ZNF417: variants seen among roughly 807,000 people sequenced by gnomAD.
The protein encoded by ZNF417 is zinc finger protein 417.
ZNF417 carries 5 observed loss-of-function variants against 7.4 expected under a neutral mutation model. That is an observed-to-expected ratio of 0.68 (90% CI 0.35 to 1.43). The LOEUF (loss-of-function observed/expected upper bound fraction) is 1.43, where lower values mean the gene tolerates loss of function less well. Ranked by LOEUF, ZNF417 falls within the 40% of genes most tolerant of loss-of-function variation. ZNF417 has a pLI of 0.04. For synonymous variants in ZNF417, 147 were observed against 239.1 expected, an observed-to-expected ratio of 0.61 and a Z score of 3.55; for missense variants, 437 against 697.3, an observed-to-expected ratio of 0.63 and a Z score of 4.20.
intron 1 of ZNF417, among the ~76,000 whole-genome samples, chr19:57,912,441 T>C (rs907141809): frequency 6.6e-6 from 1 of 152,178 alleles, no homozygotes; most frequent in Non-Finnish European, 1.5e-5. Context: ...TGAATAGCGA[T>C]ATCCAAGCTC....
intron 2 of ZNF417, 93 bp from the exon 3 acceptor site, chr19:57,910,207 T>C (rs1397189563): frequency 6.6e-7 from 1 of 1,516,886 alleles, no homozygotes; most frequent in African/African-American, 1.4e-5. Context: ...GAGGAATTAA[T>C]CTATAGAAAT....
In ZNF417 at chr19:57,908,347, T is replaced by C. The variant is rs539974143; in HGVS notation, c.*203A>G. ...TGAACCTGGGAGGCCCAAGTTGCAG[T>C]GAGCCAAGATTGCACCACTGCACTC... On this transcript the variant is annotated 3_prime_UTR_variant, in exon 3 of 3. Transcript: ENST00000312026. 14 of 951,652 alleles carry C rather than the reference T, an allele frequency of 1.5e-5. No individual in the cohort carries two copies. In the African/African-American group the frequency reaches 2.2e-4, roughly 15 times the overall value. The allele number at this position is 951,652 out of a possible 1,614,324, so 59.0% of individuals were successfully genotyped here.
At position 57,906,161 on chromosome 19, in the gene ZNF417, G is replaced by A. The variant is rs1296178253; in HGVS notation, c.*2389C>T. 1.3e-5 allele frequency among the ~76,000 whole-genome samples: 2 copies of A among 152,252 alleles called. No individual in the cohort carries two copies. Among genetic ancestry groups the A allele is most frequent in the South Asian group, 4.1e-4 (2 of 4,820 alleles). On this transcript the variant is annotated 3_prime_UTR_variant, in exon 3 of 3. Transcript: ENST00000312026. Reference sequence around the variant, plus strand: ...ACAAGAGACAGACACATACTCTTCAGGGTGTATGGTCATAATTTGTTTGAA... The same window carrying A: ...ACAAGAGACAGACACATACTCTTCAAGGTGTATGGTCATAATTTGTTTGAA...
intron 1 of ZNF417, among the ~76,000 whole-genome samples, chr19:57,913,146 G>A (rs979814007): frequency 1.3e-5 from 2 of 151,836 alleles, no homozygotes; most frequent in Non-Finnish European, 2.9e-5. Flanking sequence ...ACCTTTTAAG[G>A]TTGTCCCACT....
intron 1 of ZNF417, among the ~76,000 whole-genome samples, chr19:57,914,036 T>C (rs1302783694): frequency 6.6e-6 from 1 of 152,234 alleles, no homozygotes; most frequent in Non-Finnish European, 1.5e-5. Flanking sequence ...TGACTCTTCA[T>C]ATGGCCAAAA....
chr19:57,912,929 T>G, intron 1 of ZNF417, among the ~76,000 whole-genome samples: 1 of 151,970 alleles, frequency 6.6e-6, no homozygotes, highest in South Asian at 2.1e-4. Flanking sequence ...ATAAAATTAT[T>G]TCACAAGATG....
chr19:57,910,715 G>A (rs565787110), intron 2 of ZNF417, among the ~76,000 whole-genome samples: 4 of 151,964 alleles, frequency 2.6e-5, no homozygotes, highest in East Asian at 2.0e-4. Flanking sequence ...AGTTGTGTAC[G>A]GGACCTTATC....
Position 57,908,836 on chromosome 19 carries a change from A to T in ZNF417, c.1442T>A (p.Ile481Lys). ...KLFGNKNCVT[I>K]HQRIHTGERP... ...TTCTCCAGTGTGAATCCTCTGATGT[A>T]TAGTCACGCAGTTCTTATTACCAAA... The change falls in exon 3 of 3, where the codon ATA (isoleucine) becomes AAA (lysine). Residue 481 changes from isoleucine (I) to lysine (K), a missense_variant. Around this residue, in one of 5 missense-constraint regions of ZNF417, gnomAD observed 233 missense variants for 235.5 expected, o/e 0.99. Coordinates refer to ENST00000312026, the MANE Select transcript of ZNF417 (RefSeq NM_152475.3). The T allele has an allele frequency of 6.2e-7, 1 of 1,613,702 alleles. No individual in the cohort carries two copies. Among genetic ancestry groups the T allele is most frequent in the South Asian group, 1.1e-5 (1 of 91,064 alleles).
At chr19:57,914,483 C>CAAAA (rs528220711) in intron 1 of ZNF417, among the ~76,000 whole-genome samples, 7 of 57,584 alleles carry the variant, frequency 1.2e-4, no homozygotes, top group Admixed American at 2.2e-4. Context: ...CGAAACTCCA[C>CAAAA]AAAAAAAAAA....
At chr19:57,915,745 C>A (rs1402881596) in intron 1 of ZNF417, 1 of 408,298 alleles carries the variant, frequency 2.4e-6, no homozygotes, top group East Asian at 3.6e-5. Context: ...GCAGGACTAA[C>A]GAATTAGCTA....
intron 1 of ZNF417, among the ~76,000 whole-genome samples, chr19:57,914,483 C>CAAAAAAA (rs528220711): frequency 3.5e-5 from 2 of 57,614 alleles, no homozygotes; most frequent in Non-Finnish European, 7.2e-5. Context: ...CGAAACTCCA[C>CAAAAAAA]AAAAAAAAAA....
At chr19:57,914,669 C>T (rs1304910336) in intron 1 of ZNF417, among the ~76,000 whole-genome samples, 9 of 152,104 alleles carry the variant, frequency 5.9e-5, no homozygotes, top group Admixed American at 1.3e-4. Context: ...AGTGTGTGCA[C>T]CAAGGTCCAA....
rs1486313907 is a variant in ZNF417 at position 57,916,365 on chromosome 19, G to A, written c.33+14C>T. On this transcript the variant is annotated intron_variant, in intron 1 of 2. Coordinates refer to ENST00000312026, the MANE Select transcript of ZNF417 (RefSeq NM_152475.3). ...GATGGGGTGACCTGAGGGCACAGAA[G>A]GCGCCACAATTACCTGAGTCGGGCG... 2 of 1,614,198 alleles carry A rather than the reference G, an allele frequency of 1.2e-6. No individual in the cohort carries two copies. The highest frequency in any genetic ancestry group is 2.2e-5 in the East Asian group (1 of 44,890).
rs201407102 is a variant in ZNF417 at position 57,916,412 on chromosome 19, C to T, written c.-1G>A. 184 of 1,614,026 alleles carry T rather than the reference C, an allele frequency of 1.1e-4. 1 individual carries two copies. The highest frequency in any genetic ancestry group is 2.7e-4 in the Admixed American group (16 of 60,014). On this transcript the variant is annotated 5_prime_UTR_variant, in exon 1 of 3. Transcript: ENST00000312026. ...GGCGCCTCGGCGCAGCCGCTGCCAT[C>T]GGACTACTTGGGGAAGCACGGCCCG...
Position 57,909,407 on chromosome 19 carries a change from T to G in ZNF417, c.871A>C (p.Thr291Pro). 1 of 1,614,166 alleles carries G rather than the reference T, an allele frequency of 6.2e-7. No individual in the cohort carries two copies. Among genetic ancestry groups the G allele is most frequent in the Non-Finnish European group, 8.5e-7 (1 of 1,180,016 alleles). ...TCACAGGGATAAGCTGTCTTTCCAG[T>G]GTGGACTCGCTGATGTTGAATAAGG... ...SSLIQHQRVHTGKTAYPCEEC... is the reference protein window; with the variant it reads ...SSLIQHQRVHPGKTAYPCEEC... The change falls in exon 3 of 3, where the codon ACT (threonine) becomes CCT (proline). Residue 291 changes from threonine to proline, a missense_variant. This residue lies in a region of ZNF417 where 34 missense variants were observed against 33.3 expected (regional missense o/e 1.02). Transcript: ENST00000312026.
rs759919764 is a variant in ZNF417 at position 57,909,279 on chromosome 19, A to G, written c.999T>C (p.Phe333=). The G allele has an allele frequency of 3.1e-6, 5 of 1,613,976 alleles. No homozygotes were observed. The highest frequency in any genetic ancestry group is 4.2e-6 in the Non-Finnish European group (5 of 1,179,998). The change falls in exon 3 of 3, where the codon TTT becomes TTC. Residue 333 remains phenylalanine (F), a synonymous_variant. Coordinates refer to ENST00000312026, the MANE Select transcript of ZNF417 (RefSeq NM_152475.3). ...GTTGAATGAGGTTACCCTTTTGACCAAAAGATTTCCCATATTCTCTACACT... is the reference window on the plus strand; with the variant it reads ...GTTGAATGAGGTTACCCTTTTGACCGAAAGATTTCCCATATTCTCTACACT... ...PYECREYGKS[F]GQKGNLIQHQ...
chr19:57,906,326 T>C lies in ZNF417; in HGVS notation c.*2224A>G, dbSNP rs373490662. Among the ~76,000 whole-genome samples, 10 of 152,338 alleles carry C rather than the reference T, an allele frequency of 6.6e-5. No individual in the cohort carries two copies. The East Asian group carries it at 1.9e-3, about 29-fold the overall frequency. On this transcript the variant is annotated 3_prime_UTR_variant, in exon 3 of 3. Transcript: ENST00000312026. ...TCATGTATGTGCCTGTATGTGCTTA[T>C]ATAACATGCTGTAATACAAGGTGAC...
rs2071950712 is a variant in ZNF417, at chr19:57,916,513, T to TC, written c.-103dup. The TC allele has an allele frequency of 6.3e-7, 1 of 1,595,074 alleles. No individual in the cohort carries two copies. Among genetic ancestry groups the TC allele is most frequent in the South Asian group, 1.1e-5 (1 of 89,336 alleles). ...GACGATTCCTCTCCACCTTCTAGGT[T>TC]CAGTCACCGCGGTCCCCCCCCAGCA... On this transcript the variant is annotated 5_prime_UTR_variant, in exon 1 of 3. Coordinates refer to ENST00000312026, the MANE Select transcript of ZNF417 (RefSeq NM_152475.3).
rs1568527559 is a variant in ZNF417 at position 57,908,111 on chromosome 19, AT to A, written c.*438del. On this transcript the variant is annotated 3_prime_UTR_variant, in exon 3 of 3. Transcript: ENST00000312026. ...GAAATAGTAAGGTAATCTTAGAAAGATGTTGAATAGAAAGCAAGCTACGGTG... is the reference window on the plus strand; with the variant it reads ...GAAATAGTAAGGTAATCTTAGAAAGAGTTGAATAGAAAGCAAGCTACGGTG... 5.4e-6 allele frequency: 1 copy of A among 185,338 alleles called. No individual in the cohort carries two copies. The highest frequency in any genetic ancestry group is 1.1e-5 in the Non-Finnish European group (1 of 87,402). 11.5% of individuals were successfully genotyped at this position (185,338 alleles called of 1,614,324 possible).
Sources: allele counts gnomAD v4.1 joint callset (sites outside exome capture counted in the v4.1 genomes callset), GRCh38; gene constraint gnomAD v4.1.1; regional missense constraint gnomAD v4.1.1; transcripts MANE v1.5; gene names NCBI Gene and HGNC (gene_info 2026-07-23, HGNC 2026-07-21).